The following PCCA variants were observed in gnomAD, a reference collection of about 807,000 sequenced individuals.
PCCA encodes the protein propionyl-CoA carboxylase alpha chain, mitochondrial.
In PCCA, 74 loss-of-function variants were observed where a neutral mutation model predicts 101.3. That is an observed-to-expected ratio of 0.73 (90% CI 0.61 to 0.89). PCCA has a LOEUF of 0.89. PCCA is among the 40% of genes least tolerant of loss of function. PCCA has a pLI of 0.00. For missense variants in PCCA, 891 were observed against 907.0 expected, an observed-to-expected ratio of 0.98 and a Z score of 0.23; for synonymous variants, 294 against 313.6, an observed-to-expected ratio of 0.94 and a Z score of 0.66.
Position 100,099,885 on chromosome 13 carries a change from A to G in PCCA, c.106-2998A>G, listed in dbSNP as rs549469452. On this transcript the variant is annotated intron_variant, in intron 1 of 23. Transcript: ENST00000376285. ...GTGTACAAATGAAGAAACTTTCTAT[A>G]TATCTAGGAAATGTCAGAGCCAAGA... Among the ~76,000 whole-genome samples the G allele has an allele frequency of 3.3e-5, 5 of 152,266 alleles. No individual in the cohort carries two copies. The South Asian group carries it at 6.2e-4, about 19-fold the overall frequency.
At chr13:100,364,338 T>TAA (rs2074950967) in intron 18 of PCCA, among the ~76,000 whole-genome samples, 1 of 152,232 alleles carries the variant, frequency 6.6e-6, no homozygotes, top group Admixed American at 6.5e-5. Flanking sequence ...AATTCTTTTC[T>TAA]AAACATTTAG....
At chr13:100,156,670 C>T (rs2053923610) in intron 5 of PCCA, among the ~76,000 whole-genome samples, 1 of 152,092 alleles carries the variant, frequency 6.6e-6, no homozygotes, top group Non-Finnish European at 1.5e-5. Context: ...AAAAAAAATT[C>T]AGAGCACAAA....
intron 20 of PCCA, among the ~76,000 whole-genome samples, chr13:100,427,436 A>G (rs914359220): frequency 1.3e-5 from 2 of 152,180 alleles, no homozygotes; most frequent in Admixed American, 6.6e-5. Context: ...GAGTGCGCAG[A>G]TAGTTGTCTT....
At chr13:100,384,510 A>C (rs2253546) in intron 19 of PCCA, among the ~76,000 whole-genome samples, 44,909 of 152,076 alleles carry the variant, frequency 0.3, 7,040 homozygotes, top group East Asian at 0.58. Context: ...TGCATTTTAC[A>C]TCATAATCTC....
intron 21 of PCCA, among the ~76,000 whole-genome samples, chr13:100,483,260 A>G (rs1216356807): frequency 6.6e-6 from 1 of 152,186 alleles, no homozygotes; most frequent in Non-Finnish European, 1.5e-5. Context: ...CAGGGAAAAA[A>G]AAAAAAGGAG....
chr13:100,340,209 A>G lies in PCCA; in HGVS notation c.1593A>G (p.Ser531=), dbSNP rs2152751931. The G allele has an allele frequency of 6.2e-7, 1 of 1,612,074 alleles. No homozygotes were observed. Among genetic ancestry groups the G allele is most frequent in the Non-Finnish European group, 8.5e-7 (1 of 1,178,104 alleles). The change falls in exon 18 of 24, where the codon TCA becomes TCG. Residue 531 remains serine (S), a synonymous_variant. Coordinates refer to ENST00000376285, the MANE Select transcript of PCCA (RefSeq NM_000282.4). ...EKNQLLAIAS[S]LFVAFQLRAQ... ...ACCAGTTATTGGCAATAGCATCATC[A>G]TTGTTTGTGGCATTCCAGTTAAGAG...
chr13:100,117,946 C>G (rs1415933721), intron 4 of PCCA, among the ~76,000 whole-genome samples: 1 of 151,714 alleles, frequency 6.6e-6, no homozygotes, highest in African/African-American at 2.4e-5. Context: ...GAAACCCTGT[C>G]TCTACTAAAA....
intron 21 of PCCA, among the ~76,000 whole-genome samples, chr13:100,453,774 A>G (rs538023920): frequency 6.6e-6 from 1 of 152,268 alleles, no homozygotes; most frequent in South Asian, 2.1e-4. Flanking sequence ...ACAAGAAACA[A>G]AAACACACCA....
chr13:100,126,459 A>G (rs556466238), intron 4 of PCCA, among the ~76,000 whole-genome samples: 1 of 152,216 alleles, frequency 6.6e-6, no homozygotes, highest in Admixed American at 6.5e-5. Context: ...AGACAAATTA[A>G]TATTTAACAC....
At chr13:100,262,904 T>C (rs1198092752) in intron 10 of PCCA, 73 bp downstream of exon 10, 3 of 739,666 alleles carry the variant, frequency 4.1e-6, no homozygotes, top group Non-Finnish European at 7.2e-6. Context: ...AATTATCTTT[T>C]CTTCCATTTA....
chr13:100,421,494 T>C (rs2078752933), intron 19 of PCCA, among the ~76,000 whole-genome samples: 2 of 152,142 alleles, frequency 1.3e-5, no homozygotes. Context: ...GGGCACTAAG[T>C]TTTTACATTC....
intron 12 of PCCA, among the ~76,000 whole-genome samples, chr13:100,294,655 T>C (rs142772652): frequency 6.6e-6 from 1 of 152,348 alleles, no homozygotes; most frequent in Non-Finnish European, 1.5e-5. Flanking sequence ...ATTAAATGCA[T>C]ATTTAGTTTT....
intron 20 of PCCA, among the ~76,000 whole-genome samples, chr13:100,443,784 G>T (rs1368362193): frequency 6.6e-6 from 1 of 151,986 alleles, no homozygotes; most frequent in Non-Finnish European, 1.5e-5. Flanking sequence ...CGTCTTTCAG[G>T]TCTGTTTGCT....
chr13:100,207,250 T>G (rs2058915975), intron 6 of PCCA, among the ~76,000 whole-genome samples: 1 of 152,216 alleles, frequency 6.6e-6, no homozygotes, highest in Non-Finnish European at 1.5e-5. Context: ...AAATGGGTGC[T>G]TTAGACTCAG....
At chr13:100,286,409 T>C (rs1023433182) in intron 12 of PCCA, among the ~76,000 whole-genome samples, 2 of 152,142 alleles carry the variant, frequency 1.3e-5, no homozygotes, top group African/African-American at 2.4e-5. Flanking sequence ...TCCAATTGGC[T>C]AATTTAAAGA....
intron 19 of PCCA, among the ~76,000 whole-genome samples, chr13:100,406,627 C>T (rs530876404): frequency 8.5e-5 from 13 of 152,310 alleles, no homozygotes; most frequent in East Asian, 3.9e-4. Context: ...TCGCTTGAAC[C>T]GGGAAGGTGG....
At chr13:100,401,975 C>T (rs1175652220) in intron 19 of PCCA, among the ~76,000 whole-genome samples, 5 of 152,094 alleles carry the variant, frequency 3.3e-5, no homozygotes, top group Non-Finnish European at 7.4e-5. Flanking sequence ...GCCTGCCTTT[C>T]ATTAAATGAG....
chr13:100,249,677 T>C (rs1162225477), intron 8 of PCCA, among the ~76,000 whole-genome samples: 2 of 152,226 alleles, frequency 1.3e-5, no homozygotes, highest in Non-Finnish European at 2.9e-5. Context: ...AGGATTGATA[T>C]CTTAACAATA....
At chr13:100,181,865 A>G (rs1274042797) in intron 6 of PCCA, among the ~76,000 whole-genome samples, 3 of 147,892 alleles carry the variant, frequency 2.0e-5, no homozygotes, top group Admixed American at 6.8e-5. Context: ...TCTGTGTTCA[A>G]GCGATTCTCC....
Sources: gnomAD v4.1 joint callset for allele counts (sites outside exome capture counted in the v4.1 genomes callset) on GRCh38, gnomAD v4.1.1 for gene constraint, MANE v1.5 for transcripts, NCBI Gene and HGNC (gene_info 2026-07-23, HGNC 2026-07-21) for gene names.